Variants in DPP10 observed in about 807,000 individuals in gnomAD.
DPP10 encodes inactive dipeptidyl peptidase 10.
DPP10 carries 33 observed loss-of-function variants against 120.9 expected under a neutral mutation model. The observed-to-expected ratio is 0.27, with a 90% CI of 0.21 to 0.37. The LOEUF (loss-of-function observed/expected upper bound fraction) is 0.37. DPP10 is among the 10% of genes least tolerant of loss of function. The pLI, the probability that DPP10 is intolerant of heterozygous loss-of-function variation, is 1.00. For missense variants in DPP10, 816 were observed against 942.8 expected (o/e 0.87, Z 1.76); for synonymous variants, 337 against 326.1 (o/e 1.03, Z -0.36).
intron 1 of DPP10, among the ~76,000 whole-genome samples, chr2:114,809,684 C>T (rs573909454): frequency 1.9e-3 from 292 of 152,292 alleles, no homozygotes; most frequent in African/African-American, 6.7e-3. Flanking sequence ...GATACCCCGT[C>T]CTCTTACTTG....
chr2:114,629,493 T>C (rs1466849671), intron 1 of DPP10, among the ~76,000 whole-genome samples: 1 of 152,184 alleles, frequency 6.6e-6, no homozygotes, highest in Non-Finnish European at 1.5e-5. Flanking sequence ...ACGGGTAATG[T>C]ATAAGAAAAT....
intron 21 of DPP10, among the ~76,000 whole-genome samples, chr2:115,821,219 GTGAA>G (rs1687787227): frequency 4.6e-5 from 7 of 152,008 alleles, no homozygotes; most frequent in Admixed American, 1.3e-4. Context: ...CCTTTATAAT[GTGAA>G]CTCATCAATT....
At chr2:114,713,128 C>T (rs918352103) in intron 1 of DPP10, among the ~76,000 whole-genome samples, 29 of 151,478 alleles carry the variant, frequency 1.9e-4, no homozygotes, top group African/African-American at 5.6e-4. Flanking sequence ...CTGGGATTAC[C>T]GGTGTCCACC....
intron 1 of DPP10, among the ~76,000 whole-genome samples, chr2:114,721,554 C>A (rs1701706134): frequency 6.6e-6 from 1 of 152,178 alleles, no homozygotes; most frequent in African/African-American, 2.4e-5. Flanking sequence ...TTCTTCTTGA[C>A]CTGCTTCTCT....
chr2:115,271,654 A>AT (rs1399571287), intron 1 of DPP10, among the ~76,000 whole-genome samples: 2 of 152,218 alleles, frequency 1.3e-5, no homozygotes, highest in African/African-American at 4.8e-5. Context: ...GAAAGGTAAA[A>AT]TATATCTTGG....
Position 115,075,296 on chromosome 2 carries a change from C to G in DPP10, c.61-233943C>G, listed in dbSNP as rs1327727792. Among the ~76,000 whole-genome samples, 3 of 152,204 alleles carry G rather than the reference C, an allele frequency of 2.0e-5. No homozygotes were observed. The East Asian group carries it at 5.8e-4, about 29-fold the overall frequency. ...CAAAGCTGCTCTTCAATAAATGTCT[C>G]TTGCACATACTCAGCAATCCTAGAA... On this transcript the variant is annotated intron_variant, in intron 1 of 25. Coordinates refer to ENST00000410059, the MANE Select transcript of DPP10 (RefSeq NM_020868.6).
At chr2:115,761,459 A>C (rs1212188876) in intron 11 of DPP10, among the ~76,000 whole-genome samples, 3 of 152,174 alleles carry the variant, frequency 2.0e-5, no homozygotes, top group Non-Finnish European at 4.4e-5. Flanking sequence ...TATGGAGATA[A>C]AAAGACTTTG....
rs151034725 is a variant in DPP10 at position 115,154,672 on chromosome 2, A to G, written c.61-154567A>G. On this transcript the variant is annotated intron_variant, in intron 1 of 25. Transcript: ENST00000410059. ...GGGTGAATAAAGATTTTTTTTTCAA[A>G]GAGCATTTCCTCTGAGGCTCCCCCT... Among the ~76,000 whole-genome samples, 380 of 151,970 alleles carry G rather than the reference A, an allele frequency of 2.5e-3. 2 individuals are homozygous for G. The highest frequency in any genetic ancestry group is 8.8e-3 in the African/African-American group (363 of 41,460).
chr2:115,824,672 T>C (rs1688139981), intron 21 of DPP10, among the ~76,000 whole-genome samples: 1 of 152,158 alleles, frequency 6.6e-6, no homozygotes, highest in Non-Finnish European at 1.5e-5. Context: ...TATGGCCACT[T>C]CGTATTCCAT....
At chr2:115,705,752 A>G (rs35706051) in intron 7 of DPP10, among the ~76,000 whole-genome samples, 41,299 of 151,688 alleles carry the variant, frequency 0.27, 5,849 homozygotes, top group African/African-American at 0.32. Context: ...CTGAAATCCG[A>G]TTACCTTTTC....
chr2:115,210,470 G>T (rs1005253751), intron 1 of DPP10, among the ~76,000 whole-genome samples: 1 of 151,996 alleles, frequency 6.6e-6, no homozygotes, highest in Non-Finnish European at 1.5e-5. Flanking sequence ...GAATAGTGCC[G>T]CAATAAACGT....
intron 1 of DPP10, among the ~76,000 whole-genome samples, chr2:115,136,005 T>A (rs2050632919): frequency 6.6e-6 from 1 of 152,184 alleles, no homozygotes; most frequent in Non-Finnish European, 1.5e-5. Flanking sequence ...GGAGAGTTTT[T>A]TTCTTTTTTA....
chr2:115,750,127 A>G (rs1678512834), intron 10 of DPP10: 1 of 985,420 alleles, frequency 1.0e-6, no homozygotes, highest in Non-Finnish European at 1.2e-6. Context: ...TAATGTGTTC[A>G]TGAGATGGAG....
At chr2:115,613,674 A>G (rs2084279109) in intron 5 of DPP10, among the ~76,000 whole-genome samples, 2 of 152,192 alleles carry the variant, frequency 1.3e-5, no homozygotes, top group Admixed American at 1.3e-4. Flanking sequence ...GCTAAGATAT[A>G]TTTATTCTCT....
chr2:114,886,029 G>A (rs1401017829), intron 1 of DPP10, among the ~76,000 whole-genome samples: 3 of 152,138 alleles, frequency 2.0e-5, no homozygotes, highest in Non-Finnish European at 4.4e-5. Flanking sequence ...TGTAGTTTAT[G>A]AGACTGTTAT....
intron 1 of DPP10, among the ~76,000 whole-genome samples, chr2:114,587,159 G>A (rs1691059304): frequency 6.6e-6 from 1 of 151,930 alleles, no homozygotes; most frequent in African/African-American, 2.4e-5. Context: ...AAATTAGCCG[G>A]GCATGGTGGC....
At chr2:115,546,856 A>G (rs1436200983) in intron 5 of DPP10, among the ~76,000 whole-genome samples, 3 of 152,184 alleles carry the variant, frequency 2.0e-5, no homozygotes, top group African/African-American at 4.8e-5. Context: ...ATTGTGAGAC[A>G]GGTCTTTCCA....
At chr2:114,600,318 A>G (rs769508663) in intron 1 of DPP10, among the ~76,000 whole-genome samples, 15 of 151,916 alleles carry the variant, frequency 9.9e-5, no homozygotes, top group Admixed American at 3.3e-4. Context: ...TGTTAAGCCC[A>G]TAAGATAATT....
rs141224136 is a variant in DPP10 at position 115,554,715 on chromosome 2, G to T, written c.441+28743G>T. On this transcript the variant is annotated intron_variant, in intron 5 of 25. Transcript: ENST00000410059. ...CATAAGTCTTTTAAAAATACAAAAG[G>T]TCTGTATACTCTGTTCTGTTCTGCA... 2.0e-5 allele frequency among the ~76,000 whole-genome samples: 3 copies of T among 152,032 alleles called. No homozygotes were observed. The East Asian group carries it at 5.8e-4, about 29-fold the overall frequency.
Sources: allele counts gnomAD v4.1 joint callset (sites outside exome capture counted in the v4.1 genomes callset), GRCh38; gene constraint gnomAD v4.1.1; transcripts MANE v1.5; gene names NCBI Gene and HGNC (gene_info 2026-07-23, HGNC 2026-07-21).